PLEKHG1: variants seen among roughly 807,000 people sequenced by gnomAD.
PLEKHG1 encodes the protein pleckstrin homology and RhoGEF domain containing G1, also known as pleckstrin homology domain-containing family G member 1.
A neutral mutation model predicts 100.8 loss-of-function variants in PLEKHG1; 44 were observed. The observed-to-expected ratio is 0.44, with a 90% confidence interval of 0.34 to 0.56. The LOEUF is 0.56. PLEKHG1 is among the 20% of genes least tolerant of loss of function. PLEKHG1 has a pLI of 0.01. For synonymous variants in PLEKHG1, 640 were observed against 662.5 expected (o/e 0.97, Z 0.52); for missense variants, 1,545 against 1,720.9 (o/e 0.90, Z 1.81).
rs1271177382 is a variant in PLEKHG1 at position 150,826,557 on chromosome 6, GC to G, written c.1470+2883del. Among the ~76,000 whole-genome samples, 3 of 152,196 alleles carry G rather than the reference GC, an allele frequency of 2.0e-5. No homozygotes were observed. The East Asian group carries it at 5.8e-4, about 29-fold the overall frequency. ...AGTTCATTCAGGCTGTGGCAAAACT[GC>G]CGTATCGAAATTATTAGGTTGGTGC... On this transcript the variant is annotated intron_variant, in intron 14 of 15. Transcript: ENST00000358517.
At position 150,831,794 on chromosome 6, in the gene PLEKHG1, G is replaced by A; in HGVS notation, c.2683G>A (p.Glu895Lys). ...CTCTGTGTCCACGCTGTCCCTGCCT[G>A]AGAGCCAGGCTCTCCTCACGCCCGT... Residue 895 changes from glutamate to lysine, a missense_variant, in exon 15 of 16, where the codon GAG (glutamate) becomes AAG (lysine). By Grantham distance (56) the Glu-to-Lys change is moderately conservative. Coordinates refer to ENST00000358517, the Ensembl canonical transcript of PLEKHG1. This position sits in a 1 kb window ranked among gnomAD's most constrained non-coding sequence, Gnocchi z 4.1. 1.2e-6 allele frequency: 2 copies of A among 1,613,084 alleles called. No individual in the cohort carries two copies. Among genetic ancestry groups the A allele is most frequent in the Non-Finnish European group, 1.7e-6 (2 of 1,179,396 alleles).
At chr6:150,839,678 C>T (rs1777410410) in intron 15 of PLEKHG1, among the ~76,000 whole-genome samples, 155 bp from the exon 17 acceptor site, 1 of 152,092 alleles carries the variant, frequency 6.6e-6, no homozygotes, top group Non-Finnish European at 1.5e-5. Context: ...GTGTGTTGCT[C>T]AGAGTTCAAA....
chr6:150,743,013 C>G (rs978528626), intron 2 of PLEKHG1, among the ~76,000 whole-genome samples: 1 of 152,126 alleles, frequency 6.6e-6, no homozygotes, highest in Non-Finnish European at 1.5e-5. Context: ...GATGCACATC[C>G]CTTTTCTCAA....
intron 14 of PLEKHG1, among the ~76,000 whole-genome samples, chr6:150,830,372 C>T (rs1776848900): frequency 6.6e-6 from 1 of 152,086 alleles, no homozygotes; most frequent in Admixed American, 6.6e-5. Flanking sequence ...CCTGTAGTGC[C>T]AGCTACTTGG....
intron 1 of PLEKHG1, among the ~76,000 whole-genome samples, chr6:150,601,489 A>G (rs1776357045): frequency 6.6e-6 from 1 of 152,082 alleles, no homozygotes; most frequent in Non-Finnish European, 1.5e-5. Flanking sequence ...TTTGGTCTAC[A>G]ATATTTAAGA....
At chr6:150,770,725 G>C (rs1019374579) in intron 3 of PLEKHG1, among the ~76,000 whole-genome samples, 12 of 152,218 alleles carry the variant, frequency 7.9e-5, no homozygotes, top group Non-Finnish European at 2.9e-5. Flanking sequence ...GTGAAAGCCA[G>C]CCCTCATTGT....
intron 3 of PLEKHG1, among the ~76,000 whole-genome samples, chr6:150,667,408 C>G (rs1252074628): frequency 6.6e-6 from 1 of 152,090 alleles, no homozygotes; most frequent in Non-Finnish European, 1.5e-5. Flanking sequence ...CTTGTGTTTT[C>G]AACATATATG....
At chr6:150,729,305 G>A (rs548214271) in intron 1 of PLEKHG1, among the ~76,000 whole-genome samples, 1 of 152,242 alleles carries the variant, frequency 6.6e-6, no homozygotes, top group South Asian at 2.1e-4. Flanking sequence ...CAAGTGATCC[G>A]CCTGCCTCAG....
chr6:150,802,664 A>ATTT (rs71554484), intron 6 of PLEKHG1, among the ~76,000 whole-genome samples: 3 of 143,448 alleles, frequency 2.1e-5, no homozygotes, highest in East Asian at 2.0e-4. Context: ...CATTCACATC[A>ATTT]TTTTTTTTTT....
At chr6:150,821,943 G>A (rs777320170) in intron 13 of PLEKHG1, among the ~76,000 whole-genome samples, 3 of 150,360 alleles carry the variant, frequency 2.0e-5, no homozygotes, top group Non-Finnish European at 4.4e-5. Context: ...CCAGGTTCAA[G>A]TGATTCTCCT....
chr6:150,684,842 C>A (rs1455422542), intron 3 of PLEKHG1, among the ~76,000 whole-genome samples: 1 of 152,056 alleles, frequency 6.6e-6, no homozygotes, highest in African/African-American at 2.4e-5. Flanking sequence ...GAGCTGCTTC[C>A]CTTTGCATCT....
intron 14 of PLEKHG1, among the ~76,000 whole-genome samples, chr6:150,824,456 G>A (rs758523273): frequency 8.6e-5 from 13 of 151,954 alleles, no homozygotes; most frequent in South Asian, 2.1e-4. Flanking sequence ...GAACCAAAGC[G>A]ACCTTGTTGA....
At chr6:150,603,341 A>C (rs891197199) in intron 1 of PLEKHG1, among the ~76,000 whole-genome samples, 19 of 152,218 alleles carry the variant, frequency 1.2e-4, no homozygotes, top group Non-Finnish European at 2.4e-4. Flanking sequence ...TCGGTCATTC[A>C]GAGTCACGGG....
chr6:150,798,295 A>G (rs1786478957), intron 5 of PLEKHG1, among the ~76,000 whole-genome samples: 1 of 152,230 alleles, frequency 6.6e-6, no homozygotes, highest in African/African-American at 2.4e-5. Context: ...AGATCCAATT[A>G]TGAGAATCTA....
At position 150,627,099 on chromosome 6, in the gene PLEKHG1, T is replaced by C. The variant is rs529893427; in HGVS notation, c.-203-10981T>C. On this transcript the variant is annotated intron_variant, in intron 1 of 3. Coordinates refer to the PLEKHG1 transcript ENST00000367326. The stretch of plus-strand genomic sequence containing the variant: ...TGCTCGTGAACCCTGTTTCAAGAGA[T>C]GTGATACAACAAGTTAAATCAGCAA... Among the ~76,000 whole-genome samples the C allele has an allele frequency of 8.8e-4, 134 of 152,350 alleles. 1 individual carries two copies. The highest frequency in any genetic ancestry group is 3.1e-3 in the African/African-American group (129 of 41,580).
chr6:150,662,144 G>GC (rs1207014559), intron 3 of PLEKHG1, among the ~76,000 whole-genome samples: 1 of 152,098 alleles, frequency 6.6e-6, no homozygotes, highest in Non-Finnish European at 1.5e-5. Flanking sequence ...AGGAGAGAAG[G>GC]CAGGGGATAA....
intron 3 of PLEKHG1, among the ~76,000 whole-genome samples, chr6:150,700,131 C>T (rs960916948): frequency 2.0e-5 from 3 of 152,150 alleles, no homozygotes; most frequent in African/African-American, 4.8e-5. Flanking sequence ...AGAGAAGCCT[C>T]CTGTATGTCT....
At chr6:150,713,068 A>G (rs946023275) in intron 3 of PLEKHG1, among the ~76,000 whole-genome samples, 1 of 152,204 alleles carries the variant, frequency 6.6e-6, no homozygotes, top group Admixed American at 6.5e-5. Flanking sequence ...TGCGCCCAGC[A>G]TGGGGCCTGA....
chr6:150,716,741 G>A (rs918528627), upstream of PLEKHG1, among the ~76,000 whole-genome samples: 4 of 152,202 alleles, frequency 2.6e-5, no homozygotes, highest in Admixed American at 6.5e-5. Context: ...CACTACTGTG[G>A]CAGTGGCTCC....
Sources: gnomAD v4.1 joint callset for allele counts (sites outside exome capture counted in the v4.1 genomes callset) on GRCh38, gnomAD v4.1.1 for gene constraint, Gnocchi (gnomAD v3.1) non-coding constraint, MANE v1.5 for transcripts, NCBI Gene and HGNC (gene_info 2026-07-23, HGNC 2026-07-21) for gene names.